NDUFA8: variants seen among roughly 807,000 people sequenced by gnomAD.
NDUFA8 encodes NADH dehydrogenase [ubiquinone] 1 alpha subcomplex subunit 8.
NDUFA8 carries 16 observed loss-of-function variants against 20.9 expected under a neutral mutation model. The observed-to-expected ratio is 0.77, with a 90% CI of 0.52 to 1.16. NDUFA8 has a LOEUF of 1.16. Ranked by LOEUF, NDUFA8 falls within the 50% of genes most tolerant of loss-of-function variation. NDUFA8 has a pLI of 0.00. For synonymous variants in NDUFA8, 70 were observed against 76.1 expected (o/e 0.92, Z 0.41); for missense variants, 202 against 216.4 (o/e 0.93, Z 0.42).
chr9:122,159,584 C>T (rs780348512), intron 1 of NDUFA8, 43 bp downstream of exon 1: 12 of 1,612,638 alleles, frequency 7.4e-6, no homozygotes, highest in Non-Finnish European at 5.1e-6. Flanking sequence ...CCCGAGAAGC[C>T]GCAGCCCCAT....
intron 3 of NDUFA8, among the ~76,000 whole-genome samples, chr9:122,145,625 T>G (rs1041157661): frequency 2.6e-5 from 4 of 152,162 alleles, no homozygotes; most frequent in South Asian, 2.1e-4. Context: ...ATAACCACCT[T>G]ATGAGGCATT....
intron 1 of NDUFA8, among the ~76,000 whole-genome samples, chr9:122,158,921 C>A (rs1425958787): frequency 6.6e-6 from 1 of 151,794 alleles, no homozygotes; most frequent in Non-Finnish European, 1.5e-5. Flanking sequence ...ATCATGTTAG[C>A]TATAATTAGT....
chr9:122,149,948 C>T (rs1828966528), intron 2 of NDUFA8, among the ~76,000 whole-genome samples: 1 of 151,840 alleles, frequency 6.6e-6, no homozygotes, highest in Non-Finnish European at 1.5e-5. Context: ...CAGAGTGAGA[C>T]TCTGTCTCAA....
At chr9:122,143,991 GAA>G (rs1364771599), downstream of NDUFA8, 5 of 1,198,812 alleles carry the variant, frequency 4.2e-6, no homozygotes, top group Non-Finnish European at 4.4e-6. Context: ...ACCACAAGAA[GAA>G]AAAAGCAAGG....
chr9:122,139,206 C>T (rs1419046471), downstream of NDUFA8, among the ~76,000 whole-genome samples: 1 of 152,188 alleles, frequency 6.6e-6, no homozygotes, highest in Non-Finnish European at 1.5e-5. Context: ...GGGTTTTGCT[C>T]CTGCCAAAAG....
rs1269303909 is a variant in NDUFA8 at position 122,159,695 on chromosome 9, C to T, written c.-18G>A. ...CCCGGCATGACGGCTGCAGCCCCGA[C>T]CCCGACGAGAAGCCCTCAGCCGCGT... On this transcript the variant is annotated 5_prime_UTR_variant, in exon 1 of 4. Transcript: ENST00000373768. 3 of 1,614,152 alleles carry T rather than the reference C, an allele frequency of 1.9e-6. No homozygotes were observed. Among genetic ancestry groups the T allele is most frequent in the Non-Finnish European group, 2.5e-6 (3 of 1,179,996 alleles).
At position 122,157,570 on chromosome 9, in the gene NDUFA8, C is replaced by G. The variant is rs544609109; in HGVS notation, c.51+2057G>C. Among the ~76,000 whole-genome samples, 10 of 151,612 alleles carry G rather than the reference C, an allele frequency of 6.6e-5. 1 individual carries two copies. In the South Asian group the frequency reaches 1.9e-3, roughly 28 times the overall value. On this transcript the variant is annotated intron_variant, in intron 1 of 3. Coordinates refer to ENST00000373768, the MANE Select transcript of NDUFA8 (RefSeq NM_014222.3). ...AAAGGCAAATGTATTTCAGATACAT[C>G]AGTTGTATGAAGTAGAACTTCAGAT...
Position 122,148,117 on chromosome 9 carries a change from A to T in NDUFA8, c.376T>A (p.Ser126Thr). The change falls in exon 3 of 4, where the codon TCA becomes ACA. Residue 126 changes from serine (S) to threonine (T), a missense_variant. Transcript: ENST00000373768. The stretch of plus-strand genomic sequence containing the variant: ...TCCAGCAGAAGCCTTTTTACCTTTG[A>T]CAGTTCTCCCAGGTCAGGCCGCACC... ...GWVRPDLGEL[S>T]KVTKVKTDRP... is the part of the protein sequence containing the mutation. 6.2e-7 allele frequency: 1 copy of T among 1,614,040 alleles called. No individual in the cohort carries two copies. The highest frequency in any genetic ancestry group is 8.5e-7 in the Non-Finnish European group (1 of 1,180,012).
chr9:122,132,899 C>G, the NDUFA8 span: 1 of 455,946 alleles, frequency 2.2e-6, no homozygotes, highest in Non-Finnish European at 4.4e-6. Context: ...CCAGCTCCAC[C>G]AGGGCTTGAG....
intron 1 of NDUFA8, among the ~76,000 whole-genome samples, chr9:122,157,869 T>C (rs1233840673): frequency 6.6e-6 from 1 of 152,208 alleles, no homozygotes; most frequent in African/African-American, 2.4e-5. Flanking sequence ...AGACTTAACA[T>C]ACGGCCAGGC....
downstream of NDUFA8, among the ~76,000 whole-genome samples, chr9:122,143,723 C>T (rs1402601151): frequency 3.3e-5 from 5 of 152,228 alleles, no homozygotes; most frequent in Non-Finnish European, 7.3e-5. Flanking sequence ...CCTCCCATTC[C>T]GAGTCATGCC....
At chr9:122,141,490 T>TG, downstream of NDUFA8, among the ~76,000 whole-genome samples, 2 of 152,326 alleles carry the variant, frequency 1.3e-5, no homozygotes, top group South Asian at 4.1e-4. Context: ...GATTGGAACT[T>TG]GGAGTAAACC....
At chr9:122,144,549 A>G (rs956461410) in intron 3 of NDUFA8, among the ~76,000 whole-genome samples, 171 bp from the exon 4 acceptor site, 1 of 152,228 alleles carries the variant, frequency 6.6e-6, no homozygotes, top group Admixed American at 6.5e-5. Context: ...ACAAACACTC[A>G]GGAAAGCCTA....
downstream of NDUFA8, among the ~76,000 whole-genome samples, chr9:122,143,628 G>A (rs1828852790): frequency 1.3e-5 from 2 of 152,244 alleles, no homozygotes; most frequent in Non-Finnish European, 2.9e-5. Flanking sequence ...TATAATGCTT[G>A]AGGATGGGAT....
intron 1 of NDUFA8, among the ~76,000 whole-genome samples, chr9:122,156,883 C>G (rs574678678): frequency 6.6e-6 from 1 of 152,332 alleles, no homozygotes; most frequent in South Asian, 2.1e-4. Flanking sequence ...ATTTTAAGAG[C>G]CACTGAGACT....
chr9:122,153,297 T>G (rs1416699751), intron 1 of NDUFA8, among the ~76,000 whole-genome samples: 1 of 148,690 alleles, frequency 6.7e-6, no homozygotes, highest in South Asian at 2.1e-4. Context: ...TAAATTAAAT[T>G]AAATTAAAGG....
intron 2 of NDUFA8, 53 bp from the exon 3 acceptor site, chr9:122,148,330 GA>G: frequency 6.3e-7 from 1 of 1,594,022 alleles, no homozygotes; most frequent in Non-Finnish European, 8.6e-7. Context: ...ATGAAAAACA[GA>G]AAAGTGAGAA....
chr9:122,132,599 G>A, the NDUFA8 span, among the ~76,000 whole-genome samples: 2 of 152,102 alleles, frequency 1.3e-5, no homozygotes, highest in South Asian at 2.1e-4. Flanking sequence ...TTCCAATCCT[G>A]ACTGGCTGTG....
intron 1 of NDUFA8, among the ~76,000 whole-genome samples, chr9:122,156,616 T>C (rs1829079333): frequency 6.6e-6 from 1 of 152,256 alleles, no homozygotes; most frequent in Non-Finnish European, 1.5e-5. Flanking sequence ...GCTTTTTCAA[T>C]GGGGATGTGT....
Sources: gnomAD v4.1 joint callset for allele counts (sites outside exome capture counted in the v4.1 genomes callset) on GRCh38, gnomAD v4.1.1 for gene constraint, MANE v1.5 for transcripts, NCBI Gene and HGNC (gene_info 2026-07-23, HGNC 2026-07-21) for gene names.